Variants in DMRT1 observed in about 807,000 individuals in gnomAD.
DMRT1 encodes doublesex- and mab-3-related transcription factor 1.
A neutral mutation model predicts 32.3 loss-of-function variants in DMRT1; 7 were observed. The observed-to-expected ratio is 0.22, with a 90% CI of 0.12 to 0.41. DMRT1 has a LOEUF of 0.41. Among genes scored for constraint, DMRT1 ranks in the 10% least tolerant of loss-of-function variants. The pLI is 1.00. For missense variants in DMRT1, 625 were observed against 500.5 expected, an observed-to-expected ratio of 1.25 and a Z score of -2.37; for synonymous variants, 278 against 206.1, an observed-to-expected ratio of 1.35 and a Z score of -2.99.
At chr9:851,382 G>T (rs547385922) in intron 2 of DMRT1, among the ~76,000 whole-genome samples, 1 of 151,982 alleles carries the variant, frequency 6.6e-6, no homozygotes, top group Admixed American at 6.6e-5. Flanking sequence ...GAGATTACAG[G>T]CGTGCGTGGC....
rs555143752 is a variant in DMRT1, at chr9:872,206, C to T, written c.539-21706C>T. Among the ~76,000 whole-genome samples the T allele has an allele frequency of 2.8e-4, 42 of 151,268 alleles. No homozygotes were observed. In the South Asian group the frequency reaches 6.0e-3, roughly 22 times the overall value. On this transcript the variant is annotated intron_variant, in intron 2 of 4. Transcript: ENST00000382276. ...CCTCCCGAGTAGCTGGGATTACAGG[C>T]GCCCGCCACCATGCCAGGCTAATTT...
At chr9:930,786 T>TCCA (rs1434107564) in intron 4 of DMRT1, among the ~76,000 whole-genome samples, 88 of 142,630 alleles carry the variant, frequency 6.2e-4, no homozygotes, top group African/African-American at 2.4e-3. Flanking sequence ...TCAAGCGGCC[T>TCCA]GTTTCAGCCT....
At chr9:850,385 G>A (rs553685254) in intron 2 of DMRT1, among the ~76,000 whole-genome samples, 11 of 152,280 alleles carry the variant, frequency 7.2e-5, no homozygotes, top group South Asian at 4.1e-4. Flanking sequence ...AGCAAAGGGA[G>A]CTTCTTAGAT....
chr9:846,011 T>A (rs1838887739), intron 1 of DMRT1, among the ~76,000 whole-genome samples: 2 of 151,804 alleles, frequency 1.3e-5, no homozygotes, highest in South Asian at 4.2e-4. Flanking sequence ...TGTAGTTGCA[T>A]GTTTGCCTCC....
chr9:854,305 G>T (rs537265790), intron 2 of DMRT1, among the ~76,000 whole-genome samples: 1 of 151,882 alleles, frequency 6.6e-6, no homozygotes, highest in African/African-American at 2.4e-5. Flanking sequence ...TTATTTTTGG[G>T]AAACAGAGTC....
At chr9:911,264 T>C (rs911571434) in intron 3 of DMRT1, among the ~76,000 whole-genome samples, 1 of 152,096 alleles carries the variant, frequency 6.6e-6, no homozygotes, top group African/African-American at 2.4e-5. Context: ...TCTCCAGATG[T>C]TGCCAGATGC....
At chr9:847,946 A>G (rs1838975491) in intron 2 of DMRT1, among the ~76,000 whole-genome samples, 1 of 152,364 alleles carries the variant, frequency 6.6e-6, no homozygotes, top group East Asian at 1.9e-4. Context: ...ATACTGGATA[A>G]TGCATTGCTG....
At chr9:851,341 C>T (rs776037162) in intron 2 of DMRT1, among the ~76,000 whole-genome samples, 1 of 152,076 alleles carries the variant, frequency 6.6e-6, no homozygotes, top group Non-Finnish European at 1.5e-5. Flanking sequence ...CGGGCTCAGA[C>T]GATTCTCTCA....
rs576728702 is a variant in DMRT1 at position 847,800 on chromosome 9, C to T, written c.538+657C>T. Among the ~76,000 whole-genome samples, 32 of 152,298 alleles carry T rather than the reference C, an allele frequency of 2.1e-4. No homozygotes were observed. In the South Asian group the frequency reaches 4.6e-3, roughly 22 times the overall value. ...TACACAGGTCTGGAGCTGTACTGTC[C>T]GATATCGAAGCCCCTAGCCACATGT... On this transcript the variant is annotated intron_variant, in intron 2 of 4. Transcript: ENST00000382276.
chr9:939,963 C>G (rs1052758591), intron 4 of DMRT1, among the ~76,000 whole-genome samples: 1 of 152,056 alleles, frequency 6.6e-6, no homozygotes, highest in African/African-American at 2.4e-5. Context: ...GAAAAAAATG[C>G]TCAACATCAT....
At chr9:967,233 T>A (rs942619304) in intron 4 of DMRT1, among the ~76,000 whole-genome samples, 37 of 152,220 alleles carry the variant, frequency 2.4e-4, no homozygotes, top group African/African-American at 8.7e-4. Flanking sequence ...TTAAGTTTTT[T>A]ATCTACTGTG....
chr9:961,990 A>C (rs550975363), intron 4 of DMRT1, among the ~76,000 whole-genome samples: 144 of 152,304 alleles, frequency 9.5e-4, no homozygotes, highest in African/African-American at 3.2e-3. Flanking sequence ...TGTTTATTTT[A>C]CTGGAGAGCA....
At chr9:901,157 G>T (rs1057130129) in intron 3 of DMRT1, among the ~76,000 whole-genome samples, 2 of 152,110 alleles carry the variant, frequency 1.3e-5, no homozygotes, top group Non-Finnish European at 1.5e-5. Context: ...TGAGGCTACA[G>T]GCATGTACCA....
chr9:953,446 G>C (rs557904484), intron 4 of DMRT1, among the ~76,000 whole-genome samples: 2 of 152,272 alleles, frequency 1.3e-5, no homozygotes, highest in East Asian at 3.9e-4. Flanking sequence ...TCACATACAT[G>C]CATTTATTTT....
intron 2 of DMRT1, among the ~76,000 whole-genome samples, chr9:887,508 C>A (rs971486378): frequency 6.6e-6 from 1 of 152,178 alleles, no homozygotes; most frequent in South Asian, 2.1e-4. Context: ...GCAATTAACT[C>A]CAGCATAACC....
intron 2 of DMRT1, among the ~76,000 whole-genome samples, chr9:880,739 A>AG (rs1479151541): frequency 8.0e-5 from 12 of 149,110 alleles, no homozygotes; most frequent in Admixed American, 2.0e-4. Flanking sequence ...AAAAAAAAAA[A>AG]AAAAGAAAAG....
intron 4 of DMRT1, among the ~76,000 whole-genome samples, chr9:949,200 C>G (rs914894031): frequency 5.9e-5 from 9 of 152,044 alleles, no homozygotes; most frequent in Admixed American, 3.9e-4. Flanking sequence ...AAGCCTTTCT[C>G]TTCAAAAAAT....
intron 2 of DMRT1, among the ~76,000 whole-genome samples, chr9:890,083 G>GTTT (rs1817080606): frequency 9.2e-6 from 1 of 108,886 alleles, no homozygotes; most frequent in Non-Finnish European, 2.0e-5. Flanking sequence ...GCCACCAAAC[G>GTTT]TGTTTTTTTT....
intron 4 of DMRT1, among the ~76,000 whole-genome samples, chr9:949,181 T>A (rs1819347557): frequency 6.6e-6 from 1 of 152,158 alleles, no homozygotes; most frequent in South Asian, 2.1e-4. Flanking sequence ...AAGATCAGCC[T>A]GGGCAACAAA....
Sources: gnomAD v4.1 joint callset for allele counts (sites outside exome capture counted in the v4.1 genomes callset) on GRCh38, gnomAD v4.1.1 for gene constraint, MANE v1.5 for transcripts, NCBI Gene and HGNC (gene_info 2026-07-23, HGNC 2026-07-21) for gene names.